BRCC3: variants seen among roughly 807,000 people sequenced by gnomAD.
The protein encoded by BRCC3 is BRCA1/BRCA2-containing complex subunit 3.
In BRCC3, 15 loss-of-function variants were observed where a neutral mutation model predicts 28.0. That is an observed-to-expected ratio of 0.54 (90% CI 0.36 to 0.82). The LOEUF (loss-of-function observed/expected upper bound fraction) is 0.82. BRCC3 is among the 40% of genes least tolerant of loss of function. The pLI is 0.01. For synonymous variants in BRCC3, 66 were observed against 80.3 expected (o/e 0.82, Z 0.95); for missense variants, 109 against 225.9 (o/e 0.48, Z 3.32).
At chrX:155,091,276 C>A (rs1467626485) in intron 7 of BRCC3, among the ~76,000 whole-genome samples, 1 of 103,483 alleles carries the variant, frequency 9.7e-6, no homozygotes, top group Non-Finnish European at 2.0e-5. Context: ...ATTAGCAAAT[C>A]TTTTTTTTTT....
intron 1 of BRCC3, 47 bp downstream of exon 1, chrX:155,071,697 G>T (rs372073192): frequency 1.4e-4 from 169 of 1,174,574 alleles, no homozygotes; most frequent in Middle Eastern, 1.2e-3. Context: ...AGCAGTCCCA[G>T]TGTGTCCCCG....
chrX:155,082,351 G>C (rs1175631986), intron 5 of BRCC3, among the ~76,000 whole-genome samples: 1 of 112,199 alleles, frequency 8.9e-6, no homozygotes, highest in African/African-American at 3.2e-5. Context: ...TCCTTCAAAA[G>C]AACATAAAGT....
At chrX:155,112,425 T>C (rs1377813117) in intron 7 of BRCC3, among the ~76,000 whole-genome samples, 1 of 112,506 alleles carries the variant, frequency 8.9e-6, no homozygotes, top group Non-Finnish European at 1.9e-5. Context: ...CAGAAAGGTC[T>C]GCAACTTAAA....
chrX:155,120,865 C>T (rs1429005311), intron 10 of BRCC3, among the ~76,000 whole-genome samples: 2 of 111,892 alleles, frequency 1.8e-5, no homozygotes, highest in Admixed American at 1.9e-4. Context: ...AGTTTGGTTG[C>T]ATTACTCTTA....
chrX:155,089,036 A>C (rs969213223), intron 5 of BRCC3, among the ~76,000 whole-genome samples: 2 of 112,074 alleles, frequency 1.8e-5, no homozygotes, highest in Non-Finnish European at 3.8e-5. Flanking sequence ...GTTATTAATA[A>C]GTTTTATTAT....
chrX:155,119,718 A>G (rs1487949253), intron 9 of BRCC3, among the ~76,000 whole-genome samples: 1 of 111,840 alleles, frequency 8.9e-6, no homozygotes, highest in Non-Finnish European at 1.9e-5. Context: ...CCTTTTGCCT[A>G]AGGGAGTAAA....
At chrX:155,072,189 G>C (rs1557292703) in intron 1 of BRCC3, 138 bp from the exon 2 acceptor site, 4 of 512,226 alleles carry the variant, frequency 7.8e-6, no homozygotes, top group Non-Finnish European at 1.3e-5. Flanking sequence ...CAGTTTAGCT[G>C]TTTACAGTCT....
chrX:155,105,355 TGC>T, intron 7 of BRCC3, among the ~76,000 whole-genome samples: 1 of 111,497 alleles, frequency 9.0e-6, no homozygotes, highest in East Asian at 2.8e-4. Context: ...TGGTGGCGCA[TGC>T]CTGTAATCCC....
chrX:155,102,636 G>A (rs1557296999), intron 7 of BRCC3, among the ~76,000 whole-genome samples: 2 of 111,646 alleles, frequency 1.8e-5, no homozygotes, highest in Non-Finnish European at 3.8e-5. Context: ...CAGCTGGTAA[G>A]AGCGGTCATG....
intron 10 of BRCC3, among the ~76,000 whole-genome samples, chrX:155,120,761 C>T (rs1209602762): frequency 1.8e-5 from 2 of 111,699 alleles, no homozygotes; most frequent in Non-Finnish European, 3.8e-5. Flanking sequence ...TCCTATTGAG[C>T]AGATCCTATC....
intron 5 of BRCC3, 177 bp downstream of exon 5, chrX:155,078,880 T>G (rs1252383274): frequency 3.6e-5 from 13 of 366,058 alleles, no homozygotes; most frequent in Non-Finnish European, 5.7e-5. Flanking sequence ...TATTGATTGT[T>G]TTTAATAAGT....
intron 7 of BRCC3, among the ~76,000 whole-genome samples, chrX:155,104,464 G>C (rs2074265489): frequency 8.9e-6 from 1 of 112,313 alleles, no homozygotes; most frequent in African/African-American, 3.2e-5. Flanking sequence ...ATACTCTGAT[G>C]CTTCCAATAT....
chrX:155,116,010 A>G, intron 7 of BRCC3, 47 bp from the exon 8 acceptor site: 1 of 1,174,221 alleles, frequency 8.5e-7, no homozygotes, highest in Non-Finnish European at 1.2e-6. Context: ...ACTTCTGATT[A>G]TAACAACTCA....
chrX:155,089,365 ATGTGTGTGTG>A lies in BRCC3; in HGVS notation c.492+30_492+39del. On this transcript the variant is annotated intron_variant, in intron 6 of 10. Coordinates refer to ENST00000330045, the MANE Select transcript of BRCC3 (RefSeq NM_001018055.3). ...AAGAACACAAAGGTATTGTGTGTGCATGTGTGTGTGTGTGTGTGTGTGTGTAGGGTCTGTG... is the reference window on the plus strand; with the variant it reads ...AAGAACACAAAGGTATTGTGTGTGCATGTGTGTGTGTGTGTAGGGTCTGTG... 3 of 927,397 alleles carry A rather than the reference ATGTGTGTGTG, an allele frequency of 3.2e-6. No homozygotes were observed. The highest frequency in any genetic ancestry group is 4.5e-6 in the Non-Finnish European group (3 of 666,309). The allele number at this position is 927,397 out of a possible 1,213,427, so 76.4% of individuals were successfully genotyped here. A position where few individuals can be genotyped will look rare whatever the true frequency, so the allele number is the denominator to read the frequency against.
intron 7 of BRCC3, among the ~76,000 whole-genome samples, chrX:155,110,293 A>C (rs1352621624): frequency 2.7e-5 from 3 of 111,282 alleles, no homozygotes; most frequent in African/African-American, 9.8e-5. Context: ...TTTTTTCTTT[A>C]AATGTTTGAT....
Position 155,121,563 on chromosome X carries a change from A to C in BRCC3, c.*359A>C, listed in dbSNP as rs782688360. 1.6e-4 allele frequency: 18 copies of C among 112,155 alleles called. No individual in the cohort carries two copies. Among genetic ancestry groups the C allele is most frequent in the African/African-American group, 5.8e-4 (18 of 30,918 alleles). 9.2% of individuals were successfully genotyped at this position (112,155 alleles called of 1,213,427 possible). A position where few individuals can be genotyped will look rare whatever the true frequency, so the allele number is the denominator to read the frequency against. ...AACCTCACATCTTATATAAAATTTAACTCAAAATGTATAACGGACTTAAAT... is the reference window on the plus strand; with the variant it reads ...AACCTCACATCTTATATAAAATTTACCTCAAAATGTATAACGGACTTAAAT... On this transcript the variant is annotated 3_prime_UTR_variant, in exon 11 of 11. Transcript: ENST00000330045.
At chrX:155,079,405 G>C (rs1270738405) in intron 5 of BRCC3, among the ~76,000 whole-genome samples, 1 of 111,667 alleles carries the variant, frequency 9.0e-6, no homozygotes, top group Non-Finnish European at 1.9e-5. Context: ...GCTACTACTA[G>C]TCATATGGGT....
chrX:155,092,019 A>T (rs2074178588), intron 7 of BRCC3, among the ~76,000 whole-genome samples: 1 of 112,246 alleles, frequency 8.9e-6, no homozygotes, highest in African/African-American at 3.2e-5. Flanking sequence ...GGCTTATAAT[A>T]AATAGTTTCA....
At position 155,075,591 on chromosome X, in the gene BRCC3, G is replaced by C. The variant is rs372858626; in HGVS notation, c.196-1579G>C. On this transcript the variant is annotated intron_variant, in intron 3 of 10. Transcript: ENST00000330045. ...ACCTAGTTTCAACCTTGAAACTTTA[G>C]AGTCCTCTTTGACCGTTTCCTGTCC... 1.9e-4 allele frequency among the ~76,000 whole-genome samples: 21 copies of C among 111,137 alleles called. No individual in the cohort carries two copies. The East Asian group carries it at 3.1e-3, about 16-fold the overall frequency.
Sources: allele counts gnomAD v4.1 joint callset (sites outside exome capture counted in the v4.1 genomes callset), GRCh38; gene constraint gnomAD v4.1.1; transcripts MANE v1.5; gene names NCBI Gene and HGNC (gene_info 2026-07-23, HGNC 2026-07-21).